Variants in ST3GAL3 observed in about 807,000 individuals in gnomAD.
The protein encoded by ST3GAL3 is ST3 beta-galactoside alpha-2,3-sialyltransferase 3.
ST3GAL3 carries 21 observed loss-of-function variants against 50.1 expected under a neutral mutation model. The ratio of observed to expected loss-of-function variants is 0.42; its 90% CI spans 0.30 to 0.60. The LOEUF is 0.60. ST3GAL3 is among the 20% of genes least tolerant of loss of function. The pLI is 0.19. For synonymous variants in ST3GAL3, 183 were observed against 190.0 expected (o/e 0.96, Z 0.30); for missense variants, 353 against 489.4 (o/e 0.72, Z 2.63).
chr1:43,851,080 T>C, intron 5 of ST3GAL3: 1 of 891,354 alleles, frequency 1.1e-6, no homozygotes, highest in Admixed American at 1.7e-5. Flanking sequence ...CACCCCATTC[T>C]CATCTGCAGT....
rs532029710 is a variant in ST3GAL3, at chr1:43,925,579, G to A, written c.1039-4553G>A. Reference sequence around the variant, plus strand: ...GGATTCACTGAGAATGTTGGTGCCCGGGTTTAGAATCCCTCTGTTACCTGG... The same window carrying A: ...GGATTCACTGAGAATGTTGGTGCCCAGGTTTAGAATCCCTCTGTTACCTGG... On this transcript the variant is annotated intron_variant, in intron 11 of 11. Coordinates refer to ENST00000347631, the MANE Select transcript of ST3GAL3 (RefSeq NM_006279.5). Among the ~76,000 whole-genome samples the A allele has an allele frequency of 3.9e-4, 60 of 152,322 alleles. No homozygotes were observed. In the South Asian group the frequency reaches 5.0e-3, roughly 13 times the overall value.
intron 5 of ST3GAL3, among the ~76,000 whole-genome samples, chr1:43,860,640 C>T (rs1197110250): frequency 6.6e-6 from 1 of 152,220 alleles, no homozygotes; most frequent in Admixed American, 6.5e-5. Flanking sequence ...GTAGGACTGG[C>T]CATTTCTGCC....
intron 1 of ST3GAL3, 188 bp downstream of exon 1, chr1:43,707,881 C>G (rs191198528): frequency 6.6e-5 from 10 of 152,434 alleles, no homozygotes; most frequent in Middle Eastern, 3.4e-3. Flanking sequence ...GGCCCAGTAC[C>G]TGGATGACCT....
At chr1:43,736,474 G>A (rs774983440) in intron 2 of ST3GAL3, 94 bp downstream of exon 2, 1 of 1,609,352 alleles carries the variant, frequency 6.2e-7, no homozygotes, top group African/African-American at 1.3e-5. Flanking sequence ...CTTCAGAGAT[G>A]GGCAATGAGA....
At chr1:43,890,902 T>C (rs1247685935) in intron 5 of ST3GAL3, among the ~76,000 whole-genome samples, 1 of 151,750 alleles carries the variant, frequency 6.6e-6, no homozygotes, top group African/African-American at 2.4e-5. Context: ...CTCAACAATA[T>C]CCGAATGCAA....
At chr1:43,752,264 C>G (rs1260417409) in intron 2 of ST3GAL3, among the ~76,000 whole-genome samples, 1 of 152,080 alleles carries the variant, frequency 6.6e-6, no homozygotes, top group African/African-American at 2.4e-5. Context: ...AAGTTAATGC[C>G]TTTTTTGAGA....
chr1:43,894,447 T>C lies in ST3GAL3; in HGVS notation c.367T>C (p.Phe123Leu). 1.2e-6 allele frequency: 2 copies of C among 1,614,042 alleles called. No homozygotes were observed. Among genetic ancestry groups the C allele is most frequent in the Non-Finnish European group, 1.7e-6 (2 of 1,180,006 alleles). The change falls in exon 6 of 12, where the codon TTC becomes CTC. Residue 123 changes from phenylalanine to leucine, a missense_variant. Physicochemically the swap from Phe to Leu is conservative, Grantham distance 22. Coordinates refer to ENST00000347631, the MANE Select transcript of ST3GAL3 (RefSeq NM_006279.5). ...SFRKWARIRE[F>L]VPPFGIKGQD... is the part of the protein sequence containing the mutation. ...TCGCAAGTGGGCTAGAATCCGGGAG[T>C]TCGTGCCGCCTTTTGGGATCAAAGG...
intron 2 of ST3GAL3, chr1:43,771,910 C>T (rs1327843801): frequency 2.3e-5 from 9 of 398,282 alleles, no homozygotes; most frequent in Non-Finnish European, 3.5e-5. Context: ...AAGGTGTGTG[C>T]CCCTGGATGT....
rs188572696 is a variant in ST3GAL3 at position 43,821,184 on chromosome 1, C to T, written c.209+6251C>T. 3.1e-3 allele frequency among the ~76,000 whole-genome samples: 470 copies of T among 152,062 alleles called. 4 individuals are homozygous for T. Among genetic ancestry groups the T allele is most frequent in the African/African-American group, 0.01 (435 of 41,484 alleles). On this transcript the variant is annotated intron_variant, in intron 4 of 11. Coordinates refer to ENST00000347631, the MANE Select transcript of ST3GAL3 (RefSeq NM_006279.5). ...GAAGTCTTAGTGAATGGGGAGGAAG[C>T]GAATGAGAACAGGAAGGGAGGGTAA...
At chr1:43,854,804 C>T (rs2906467) in intron 5 of ST3GAL3, among the ~76,000 whole-genome samples, 1 of 152,160 alleles carries the variant, frequency 6.6e-6, no homozygotes, top group East Asian at 1.9e-4. Context: ...CCAAACAAGA[C>T]ATCTGGGAGT....
intron 2 of ST3GAL3, among the ~76,000 whole-genome samples, chr1:43,761,977 A>T (rs868590576): frequency 1.5e-5 from 2 of 132,164 alleles, no homozygotes; most frequent in African/African-American, 5.3e-5. Context: ...AAAAAAAAAA[A>T]AATTCAGGCT....
At chr1:43,910,703 A>T (rs182910053) in intron 9 of ST3GAL3, among the ~76,000 whole-genome samples, 4 of 152,228 alleles carry the variant, frequency 2.6e-5, no homozygotes, top group Non-Finnish European at 4.4e-5. Context: ...GGCCTTCAGG[A>T]TACAGATGAA....
intron 3 of ST3GAL3, among the ~76,000 whole-genome samples, chr1:43,809,468 G>A (rs1005894688): frequency 1.3e-5 from 2 of 152,080 alleles, no homozygotes; most frequent in Non-Finnish European, 2.9e-5. Flanking sequence ...TTGGGAGGCT[G>A]AGGAAGGAGG....
At chr1:43,783,131 A>G (rs1188427926) in intron 2 of ST3GAL3, among the ~76,000 whole-genome samples, 1 of 152,198 alleles carries the variant, frequency 6.6e-6, no homozygotes, top group Non-Finnish European at 1.5e-5. Flanking sequence ...AGATTTAAGT[A>G]GGTTGCCCAA....
chr1:43,917,322 T>G (rs1475445726), intron 9 of ST3GAL3, among the ~76,000 whole-genome samples: 2 of 148,556 alleles, frequency 1.3e-5, no homozygotes, highest in Non-Finnish European at 3.0e-5. Flanking sequence ...TTTATGTGCT[T>G]TACCCATTTT....
chr1:43,894,390 A>G lies in ST3GAL3; in HGVS notation c.310A>G (p.Lys104Glu). ...AGTCCTGTTATATTCCAGGTTCTCC[A>G]AGCCAGCACCCATGTTCCTGGATGA... ...LMTAIFPRFS[K>E]PAPMFLDDSF... Residue 104 changes from lysine to glutamate, a missense_variant, in exon 6 of 12, where the codon AAG becomes GAG. Coordinates refer to ENST00000347631, the MANE Select transcript of ST3GAL3 (RefSeq NM_006279.5). 1 of 1,614,178 alleles carries G rather than the reference A, an allele frequency of 6.2e-7. No individual in the cohort carries two copies. The highest frequency in any genetic ancestry group is 1.1e-5 in the South Asian group (1 of 91,086).
chr1:43,717,843 A>G (rs1668136882), intron 1 of ST3GAL3, among the ~76,000 whole-genome samples: 1 of 151,720 alleles, frequency 6.6e-6, no homozygotes, highest in African/African-American at 2.4e-5. Flanking sequence ...ACATACAAGA[A>G]CAGAACAAAT....
At chr1:43,900,380 G>A (rs1294726939) in intron 9 of ST3GAL3, among the ~76,000 whole-genome samples, 2 of 152,172 alleles carry the variant, frequency 1.3e-5, no homozygotes, top group Admixed American at 6.5e-5. Context: ...GCAGGTAAGG[G>A]TCTGGGCCCA....
intron 1 of ST3GAL3, among the ~76,000 whole-genome samples, chr1:43,725,607 C>G (rs1672584392): frequency 6.6e-6 from 1 of 152,086 alleles, no homozygotes. Context: ...CTTTTTCTGT[C>G]TCTCATGGTT....
Sources: allele counts gnomAD v4.1 joint callset (sites outside exome capture counted in the v4.1 genomes callset), GRCh38; gene constraint gnomAD v4.1.1; transcripts MANE v1.5; gene names NCBI Gene and HGNC (gene_info 2026-07-23, HGNC 2026-07-21).